Variants in PDIA6 observed in about 807,000 individuals in gnomAD.
PDIA6 encodes protein disulfide-isomerase A6.
Under a neutral mutation model 58.4 loss-of-function variants are expected in PDIA6, and 29 were observed. The ratio of observed to expected loss-of-function variants is 0.50; its 90% CI spans 0.37 to 0.68. PDIA6 has a LOEUF of 0.68. Ranked by LOEUF, PDIA6 falls within the 30% of genes least tolerant of loss-of-function variation. The probability of loss-of-function intolerance (pLI) is 0.00; values close to 1 mark genes in which losing one functional copy is unlikely to be tolerated. For synonymous variants in PDIA6, 192 were observed against 202.6 expected (o/e 0.95, Z 0.44); for missense variants, 480 against 551.0 (o/e 0.87, Z 1.29).
chr2:10,822,849 CT>C (rs1219785076), intron 1 of PDIA6, among the ~76,000 whole-genome samples: 1 of 152,208 alleles, frequency 6.6e-6, no homozygotes, highest in Non-Finnish European at 1.5e-5. Flanking sequence ...TCTAGCAAGT[CT>C]GAGGAGACAA....
Position 10,826,696 on chromosome 2 carries a change from G to T in PDIA6, c.-48+5506C>A, listed in dbSNP as rs116258176. On this transcript the variant is annotated intron_variant, in intron 1 of 13. Transcript: ENST00000381611. Reference sequence around the variant, plus strand: ...TTTAATTGGGTGAATCATATGGTGTGTGGATTATATCTCAATAAAACTGTT... The same window carrying T: ...TTTAATTGGGTGAATCATATGGTGTTTGGATTATATCTCAATAAAACTGTT... Among the ~76,000 whole-genome samples, 1,402 of 152,246 alleles carry T rather than the reference G, an allele frequency of 9.2e-3. 27 individuals carry two copies. Among genetic ancestry groups the T allele is most frequent in the African/African-American group, 0.032 (1,344 of 41,526 alleles).
intron 11 of PDIA6, among the ~76,000 whole-genome samples, chr2:10,785,722 G>C (rs1386252937): frequency 6.6e-6 from 1 of 152,114 alleles, no homozygotes; most frequent in Non-Finnish European, 1.5e-5. Context: ...AACTTAAGCA[G>C]TCCACAAACT....
At chr2:10,820,876 G>T (rs955170392) in intron 1 of PDIA6, 19 of 702,744 alleles carry the variant, frequency 2.7e-5, no homozygotes, top group Middle Eastern at 2.3e-4. Context: ...GATGCTGGGG[G>T]TATCTTCTCT....
At chr2:10,788,590 C>G in intron 10 of PDIA6, 107 bp downstream of exon 10, 1 of 769,722 alleles carries the variant, frequency 1.3e-6, no homozygotes, top group Non-Finnish European at 2.2e-6. Context: ...AAACATATAG[C>G]AGAGCAAACA....
intron 2 of PDIA6, among the ~76,000 whole-genome samples, chr2:10,818,863 C>G (rs56141717): frequency 3.3e-5 from 5 of 151,964 alleles, no homozygotes; most frequent in Admixed American, 3.3e-4. Context: ...GCATTAAATG[C>G]GCTCACATCG....
intron 1 of PDIA6, among the ~76,000 whole-genome samples, chr2:10,826,121 G>A (rs949524190): frequency 4.6e-5 from 7 of 152,162 alleles, no homozygotes; most frequent in Non-Finnish European, 8.8e-5. Context: ...GCTATACAAC[G>A]GAAATATTAT....
Position 10,818,481 on chromosome 2 carries a change from AATTTATTTATTTATTTATTTATTT to A in PDIA6, c.34+769_34+792del, listed in dbSNP as rs750321012. Among the ~76,000 whole-genome samples, 363 of 115,776 alleles carry A rather than the reference AATTTATTTATTTATTTATTTATTT, an allele frequency of 3.1e-3. 1 individual carries two copies. Among genetic ancestry groups the A allele is most frequent in the African/African-American group, 0.013 (346 of 26,600 alleles). 76.0% of individuals were successfully genotyped at this position (115,776 alleles called of 152,430 possible). On this transcript the variant is annotated intron_variant, in intron 2 of 13. Coordinates refer to the PDIA6 transcript ENST00000381611. Reference sequence around the variant, plus strand: ...TGTGCCCAGCTCACTTTAACCATTTAATTTATTTATTTATTTATTTATTTATTTATTTATTTATTTATTTATTTA... The same window carrying A: ...TGTGCCCAGCTCACTTTAACCATTTAATTTATTTATTTATTTATTTATTTA...
Position 10,812,755 on chromosome 2 carries a change from G to T in PDIA6, c.-59C>A. ...CGCCGCCGCTTCAGCCCTGCAGCGTGCCGCACGCCGCGCCCCCGCGCCCAC... is the reference window on the plus strand; with the variant it reads ...CGCCGCCGCTTCAGCCCTGCAGCGTTCCGCACGCCGCGCCCCCGCGCCCAC... On this transcript the variant is annotated 5_prime_UTR_variant, in exon 1 of 13. Coordinates refer to ENST00000272227, the MANE Select transcript of PDIA6 (RefSeq NM_005742.4). The T allele has an allele frequency of 7.3e-7, 1 of 1,375,126 alleles. No individual in the cohort carries two copies. The allele number at this position is 1,375,126 out of a possible 1,614,324, so 85.2% of individuals were successfully genotyped here. A position where few individuals can be genotyped will look rare whatever the true frequency, so the allele number is the denominator to read the frequency against.
rs773151537 is a variant in PDIA6, at chr2:10,789,882, C to T, written c.707G>A (p.Gly236Glu). 66 of 1,612,282 alleles carry T rather than the reference C, an allele frequency of 4.1e-5. No individual in the cohort carries two copies. The Admixed American group carries it at 4.2e-4, about 10-fold the overall frequency. ...QVLASRYGIR[G>E]FPTIKIFQKG... ...CTGAAATATCTTGATTGTAGGAAAT[C>T]CTCTAATCTATTAAAAAAAGGTCAG... The change falls in exon 8 of 13, where the codon GGA becomes GAA. Residue 236 changes from glycine (G) to glutamate (E), a missense_variant. Transcript: ENST00000272227.
chr2:10,831,631 C>T (rs539861889), intron 1 of PDIA6, among the ~76,000 whole-genome samples: 1 of 152,310 alleles, frequency 6.6e-6, no homozygotes, highest in South Asian at 2.1e-4. Context: ...CCACACCCTG[C>T]CTGGCAGACA....
rs759134528 is a variant in PDIA6, at chr2:10,797,743, T to C, written c.176A>G (p.Gln59Arg). Residue 59 changes from glutamine (Q) to arginine (R), a missense_variant, in exon 3 of 13, where the codon CAA becomes CGA. Physicochemically the swap from Gln to Arg is conservative, Grantham distance 43. Transcript: ENST00000272227. ...EFYAPWCGHC[Q>R]RLTPEWKKAA... Reference sequence around the variant, plus strand: ...TTTCTTCCATTCTGGTGTTAATCTTTGACAGTGACCACACCTTTTGGGGGA... The same window carrying C: ...TTTCTTCCATTCTGGTGTTAATCTTCGACAGTGACCACACCTTTTGGGGGA... 6.2e-7 allele frequency: 1 copy of C among 1,612,812 alleles called. No individual in the cohort carries two copies. Among genetic ancestry groups the C allele is most frequent in the Non-Finnish European group, 8.5e-7 (1 of 1,179,340 alleles).
At chr2:10,822,074 G>C (rs1347113205) in intron 1 of PDIA6, among the ~76,000 whole-genome samples, 1 of 149,078 alleles carries the variant, frequency 6.7e-6, no homozygotes, top group Non-Finnish European at 1.5e-5. Context: ...CGAGTAGCTG[G>C]GACTGCAAGC....
upstream of PDIA6, among the ~76,000 whole-genome samples, chr2:10,835,496 T>C (rs1667813952): frequency 6.6e-6 from 1 of 152,018 alleles, no homozygotes; most frequent in Non-Finnish European, 1.5e-5. Flanking sequence ...CCACCAGGGG[T>C]CGCTGCAGGC....
upstream of PDIA6, among the ~76,000 whole-genome samples, chr2:10,816,741 A>G (rs10197595): frequency 0.12 from 18,629 of 152,050 alleles, 1,409 homozygotes; most frequent in African/African-American, 0.2. Flanking sequence ...CAAGATCAGA[A>G]GGTGAGCTTC....
upstream of PDIA6, among the ~76,000 whole-genome samples, chr2:10,834,721 C>CCCTTCCCTCCCTCCTT (rs1667788773): frequency 2.2e-5 from 1 of 45,532 alleles, no homozygotes; most frequent in African/African-American, 8.3e-5. Context: ...CTCCCTCCCT[C>CCCTTCCCTCCCTCCTT]CCTTCCTTCC....
chr2:10,816,438 TC>T (rs1474506330), upstream of PDIA6, among the ~76,000 whole-genome samples: 1 of 150,246 alleles, frequency 6.7e-6, no homozygotes, highest in East Asian at 1.9e-4. Context: ...TTTTACAGGC[TC>T]CAGCCTAGAG....
intron 1 of PDIA6, chr2:10,810,108 C>T (rs895630818): frequency 1.3e-5 from 8 of 614,302 alleles, no homozygotes; most frequent in Non-Finnish European, 2.3e-5. Context: ...AACAGTAACA[C>T]TTGCGTGACT....
chr2:10,827,382 T>C (rs116418323), intron 1 of PDIA6, among the ~76,000 whole-genome samples: 2,203 of 152,274 alleles, frequency 0.014, 66 homozygotes, highest in African/African-American at 0.051. Context: ...TATTTATTTG[T>C]TTATCATCTG....
chr2:10,822,422 C>A (rs1215719763), intron 1 of PDIA6, among the ~76,000 whole-genome samples: 1 of 152,126 alleles, frequency 6.6e-6, no homozygotes, highest in Non-Finnish European at 1.5e-5. Context: ...GCCACGATGC[C>A]TGGCTAATTT....
Sources: gnomAD v4.1 joint callset for allele counts (sites outside exome capture counted in the v4.1 genomes callset) on GRCh38, gnomAD v4.1.1 for gene constraint, MANE v1.5 for transcripts, NCBI Gene and HGNC (gene_info 2026-07-23, HGNC 2026-07-21) for gene names.